DDC: variants seen among roughly 807,000 people sequenced by gnomAD.
DDC encodes the protein aromatic-L-amino-acid decarboxylase.
A neutral mutation model predicts 60.0 loss-of-function variants in DDC; 43 were observed. The ratio of observed to expected loss-of-function variants is 0.72; its 90% CI spans 0.56 to 0.92. The LOEUF (loss-of-function observed/expected upper bound fraction) is 0.92, where lower values mean the gene tolerates loss of function less well. Among genes scored for constraint, DDC ranks in the 40% least tolerant of loss-of-function variants. The pLI is 0.00. For synonymous variants in DDC, 232 were observed against 234.6 expected, an observed-to-expected ratio of 0.99 and a Z score of 0.10; for missense variants, 573 against 620.2, an observed-to-expected ratio of 0.92 and a Z score of 0.81.
At chr7:50,462,765 C>CTTTTTTTT (rs1554411017) in intron 14 of DDC, among the ~76,000 whole-genome samples, 30 of 125,524 alleles carry the variant, frequency 2.4e-4, no homozygotes, top group African/African-American at 6.7e-4. Context: ...TTCTCTTCTT[C>CTTTTTTTT]TTGTTTTTTT....
chr7:50,479,054 G>T (rs1394010365), intron 10 of DDC, among the ~76,000 whole-genome samples: 5 of 152,128 alleles, frequency 3.3e-5, no homozygotes, highest in African/African-American at 9.7e-5. Flanking sequence ...ATTTATTTTG[G>T]TTCTAGTTCA....
chr7:50,504,815 G>A (rs2043349492), intron 6 of DDC, among the ~76,000 whole-genome samples: 1 of 152,116 alleles, frequency 6.6e-6, no homozygotes, highest in Non-Finnish European at 1.5e-5. Flanking sequence ...ACTGCCCAAG[G>A]CACTCATGGA....
At chr7:50,515,992 C>T (rs1468621904) in intron 6 of DDC, among the ~76,000 whole-genome samples, 1 of 152,142 alleles carries the variant, frequency 6.6e-6, no homozygotes, top group African/African-American at 2.4e-5. Context: ...GACTTTAGTA[C>T]TCCACTGACA....
Position 50,514,532 on chromosome 7 carries a change from C to T in DDC, c.715-10473G>A, listed in dbSNP as rs140555936. Among the ~76,000 whole-genome samples, 223 of 152,244 alleles carry T rather than the reference C, an allele frequency of 1.5e-3. 1 individual carries two copies. The highest frequency in any genetic ancestry group is 5.1e-3 in the African/African-American group (213 of 41,532). On this transcript the variant is annotated intron_variant, in intron 6 of 14. Transcript: ENST00000444124. The stretch of plus-strand genomic sequence containing the variant: ...TCAGAAGGTTAGTTATTAAGCTAAT[C>T]GGGGAAGCACCAGAGAAAGGCAGAG...
chr7:50,551,098 T>C (rs1315148821), intron 1 of DDC, among the ~76,000 whole-genome samples: 2 of 152,200 alleles, frequency 1.3e-5, no homozygotes, highest in African/African-American at 4.8e-5. Context: ...TAGAGATAAA[T>C]ATTTTTAGTG....
chr7:50,461,566 A>G (rs752872761), intron 14 of DDC, among the ~76,000 whole-genome samples: 4 of 152,214 alleles, frequency 2.6e-5, no homozygotes, highest in South Asian at 2.1e-4. Flanking sequence ...CACTCTCCAC[A>G]TATGTTCTTC....
At chr7:50,530,376 C>T (rs1322497375) in intron 4 of DDC, among the ~76,000 whole-genome samples, 1 of 152,118 alleles carries the variant, frequency 6.6e-6, no homozygotes, top group African/African-American at 2.4e-5. Context: ...AGAGAGGCCC[C>T]AGGAGAACCA....
At position 50,558,579 on chromosome 7, in the gene DDC, G is replaced by A. The variant is rs138651853; in HGVS notation, c.-29+6706C>T. 7.2e-5 allele frequency among the ~76,000 whole-genome samples: 11 copies of A among 152,276 alleles called. No individual in the cohort carries two copies. The East Asian group carries it at 2.1e-3, about 29-fold the overall frequency. ...TGCTCAAGCTCCTGATAAGCTCGTG[G>A]TATACATTATCTCACTGAACACGCT... On this transcript the variant is annotated intron_variant, in intron 1 of 14. Coordinates refer to ENST00000444124, the MANE Select transcript of DDC (RefSeq NM_001082971.2).
chr7:50,541,187 C>A (rs1039423939), intron 2 of DDC, among the ~76,000 whole-genome samples: 2 of 152,226 alleles, frequency 1.3e-5, no homozygotes, highest in Admixed American at 1.3e-4. Flanking sequence ...CCATGTCCAT[C>A]CTGCCTGTGG....
At chr7:50,520,314 A>C (rs960627722) in intron 6 of DDC, among the ~76,000 whole-genome samples, 1 of 152,252 alleles carries the variant, frequency 6.6e-6, no homozygotes, top group African/African-American at 2.4e-5. Flanking sequence ...AATAATGGAC[A>C]TTATACAAAG....
chr7:50,544,251 C>T (rs555560117), intron 1 of DDC, 138 bp from the exon 2 acceptor site: 12 of 697,896 alleles, frequency 1.7e-5, no homozygotes, highest in African/African-American at 3.5e-5. Context: ...AAGTAAGGGG[C>T]GCTTTCCCTC....
intron 6 of DDC, among the ~76,000 whole-genome samples, chr7:50,521,477 A>C (rs146660594): frequency 0.013 from 1,909 of 152,308 alleles, 36 homozygotes; most frequent in African/African-American, 0.044. Flanking sequence ...AAACTATAGA[A>C]CAATATCTCT....
intron 11 of DDC, among the ~76,000 whole-genome samples, chr7:50,475,633 C>T (rs565409692): frequency 2.6e-5 from 4 of 152,156 alleles, no homozygotes; most frequent in Middle Eastern, 3.4e-3. Flanking sequence ...ACACCTCTGT[C>T]GGGAAATGGC....
intron 14 of DDC, among the ~76,000 whole-genome samples, chr7:50,460,414 G>C (rs938534796): frequency 1.3e-5 from 2 of 149,358 alleles, no homozygotes; most frequent in African/African-American, 5.0e-5. Context: ...AAGGTGGGGG[G>C]GTCAGCCCCC....
chr7:50,469,669 C>G (rs890410423), intron 12 of DDC, among the ~76,000 whole-genome samples: 1 of 152,116 alleles, frequency 6.6e-6, no homozygotes, highest in African/African-American at 2.4e-5. Flanking sequence ...GTTCTCTTGC[C>G]ATGTATTTGC....
intron 11 of DDC, among the ~76,000 whole-genome samples, chr7:50,471,588 A>C (rs1036381380): frequency 1.3e-5 from 2 of 152,086 alleles, no homozygotes; most frequent in African/African-American, 2.4e-5. Flanking sequence ...GTGTTGACAC[A>C]TTATCTCCTT....
intron 7 of DDC, among the ~76,000 whole-genome samples, chr7:50,503,068 T>C (rs1020723397): frequency 9.2e-5 from 14 of 152,224 alleles, no homozygotes; most frequent in Admixed American, 7.9e-4. Context: ...GTATGGACTA[T>C]GGGTGACTCT....
intron 9 of DDC, among the ~76,000 whole-genome samples, chr7:50,482,997 CTTTATCTTTTT>C (rs896912054): frequency 1.3e-5 from 2 of 148,548 alleles, no homozygotes. Flanking sequence ...ATGTTTACTT[CTTTATCTTTTT>C]TTTTTTAAAT....
At chr7:50,540,777 G>T (rs997375152) in intron 2 of DDC, among the ~76,000 whole-genome samples, 2 of 152,222 alleles carry the variant, frequency 1.3e-5, no homozygotes, top group Non-Finnish European at 2.9e-5. Flanking sequence ...ATGTGGGCCA[G>T]GGAGGAGATC....
Sources: allele counts gnomAD v4.1 joint callset (sites outside exome capture counted in the v4.1 genomes callset), GRCh38; gene constraint gnomAD v4.1.1; transcripts MANE v1.5; gene names NCBI Gene and HGNC (gene_info 2026-07-23, HGNC 2026-07-21).